Variants in PHC2 observed in about 807,000 individuals in gnomAD.
The protein encoded by PHC2 is polyhomeotic-like protein 2.
In PHC2, 29 loss-of-function variants were observed where a neutral mutation model predicts 87.4. That is an observed-to-expected ratio of 0.33 (90% CI 0.25 to 0.45). The LOEUF (loss-of-function observed/expected upper bound fraction) is 0.45, where lower values mean the gene tolerates loss of function less well. Ranked by LOEUF, PHC2 falls within the 20% of genes least tolerant of loss-of-function variation. PHC2 has a pLI of 1.00. For synonymous variants in PHC2, 438 were observed against 461.7 expected (o/e 0.95, Z 0.66); for missense variants, 857 against 1,136.7 (o/e 0.75, Z 3.54).
chr1:33,329,255 T>G lies in PHC2; in HGVS notation c.2149-109A>C. 4 of 1,062,636 alleles carry G rather than the reference T, an allele frequency of 3.8e-6. No individual in the cohort carries two copies. In the East Asian group the frequency reaches 1.0e-4, roughly 27 times the overall value. The allele number at this position is 1,062,636 out of a possible 1,614,324, so 65.8% of individuals were successfully genotyped here. A position where few individuals can be genotyped will look rare whatever the true frequency, so the allele number is the denominator to read the frequency against. On this transcript the variant is annotated intron_variant, in intron 13 of 14. Transcript: ENST00000683057. ...TCTACTTGGCCTACTACTACACATC[T>G]GAGTTCCCAGATCTAACAGCATCTT... is the stretch of plus-strand genomic sequence containing the variant.
intron 1 of PHC2, among the ~76,000 whole-genome samples, chr1:33,419,713 C>T (rs992878118): frequency 6.6e-6 from 1 of 152,084 alleles, no homozygotes; most frequent in African/African-American, 2.4e-5. Context: ...GGGTTCATGC[C>T]ATTCTCCTGC....
chr1:33,420,213 C>T (rs888236359), intron 1 of PHC2, among the ~76,000 whole-genome samples: 4 of 152,190 alleles, frequency 2.6e-5, no homozygotes, highest in East Asian at 1.9e-4. Flanking sequence ...ACAATCCATT[C>T]GCCTAGAGAT....
At chr1:33,335,659 T>C (rs540721175) in intron 9 of PHC2, among the ~76,000 whole-genome samples, 3 of 152,330 alleles carry the variant, frequency 2.0e-5, no homozygotes, top group South Asian at 2.1e-4. Flanking sequence ...CTCAGCACTT[T>C]GGAAGACCGA....
chr1:33,371,167 AG>A (rs1438070560), intron 3 of PHC2, 73 bp from the exon 4 acceptor site: 5 of 1,269,386 alleles, frequency 3.9e-6, no homozygotes, highest in Non-Finnish European at 4.6e-6. Flanking sequence ...CATCATCCAC[AG>A]GAGGTGCTGC....
intron 9 of PHC2, chr1:33,346,543 TTAATA>T (rs1646848276): frequency 2.0e-6 from 2 of 985,130 alleles, no homozygotes; most frequent in African/African-American, 3.5e-5. Context: ...TGGGAGAAGT[TTAATA>T]TAAATTTAGA....
chr1:33,402,673 C>T (rs4652874), intron 1 of PHC2, among the ~76,000 whole-genome samples: 109,034 of 152,086 alleles, frequency 0.72, 39,866 homozygotes, highest in African/African-American at 0.86. Context: ...AAAGATAATG[C>T]TGAACAAAAG....
Position 33,372,381 on chromosome 1 carries a change from C to G in PHC2, c.241G>C (p.Ala81Pro). The G allele has an allele frequency of 6.2e-7, 1 of 1,606,146 alleles. No individual in the cohort carries two copies. Among genetic ancestry groups the G allele is most frequent in the South Asian group, 1.1e-5 (1 of 90,188 alleles). ...AAQYLQQMYA[A>P]QQQHLMLQTA... ...TGCAGCATGAGGTGCTGCTGCTGGG[C>G]GGCGTACATCTGCTGCAGGTACTGA... is the stretch of plus-strand genomic sequence containing the variant. Residue 81 changes from alanine to proline, a missense_variant, in exon 3 of 15, where the codon GCC becomes CCC. Around this residue, in one of 3 missense-constraint regions of PHC2, gnomAD observed 832 missense variants for 1,081.8 expected, o/e 0.77. Transcript: ENST00000683057.
intron 9 of PHC2, among the ~76,000 whole-genome samples, chr1:33,343,579 T>G (rs1646788985): frequency 6.6e-6 from 1 of 152,076 alleles, no homozygotes; most frequent in African/African-American, 2.4e-5. Context: ...CTTATATCTG[T>G]CTTACATATA....
At position 33,349,395 on chromosome 1, in the gene PHC2, C is replaced by T. The variant is rs1347315342; in HGVS notation, c.1558+5006G>A. 7.1e-6 allele frequency: 7 copies of T among 985,216 alleles called. No individual in the cohort carries two copies. The African/African-American group carries it at 1.2e-4, about 17-fold the overall frequency. 61.0% of individuals were successfully genotyped at this position (985,216 alleles called of 1,614,324 possible). ...ACACGGCTTCCAGGGGCGACGGGCG[C>T]GCAGGGTCCCCAGGCGAGCGAGGCT... On this transcript the variant is annotated intron_variant, in intron 9 of 14. Coordinates refer to ENST00000683057, the MANE Select transcript of PHC2 (RefSeq NM_001385109.1). The surrounding 1 kb of genome is among the most constrained non-coding windows in gnomAD (Gnocchi z 4.2).
intron 1 of PHC2, among the ~76,000 whole-genome samples, chr1:33,402,416 C>T (rs557998276): frequency 3.9e-5 from 6 of 152,190 alleles, no homozygotes; most frequent in South Asian, 4.1e-4. Context: ...TATGATATGG[C>T]CTAGCAATTC....
At position 33,370,172 on chromosome 1, in the gene PHC2, G is replaced by A. The variant is rs922709104; in HGVS notation, c.576+249C>T. ...AAGGGGACACTTCTGTTTCACTCTA[G>A]GAGGAGAAGGAAAGGTGGCATCGCA... On this transcript the variant is annotated intron_variant, in intron 5 of 14. Transcript: ENST00000683057. Among the ~76,000 whole-genome samples, 3 of 152,172 alleles carry A rather than the reference G, an allele frequency of 2.0e-5. No individual in the cohort carries two copies. In the East Asian group the frequency reaches 5.8e-4, roughly 29 times the overall value.
Position 33,372,437 on chromosome 1 carries a change from T to G in PHC2, c.185A>C (p.Gln62Pro). 6.4e-7 allele frequency: 1 copy of G among 1,561,844 alleles called. No individual in the cohort carries two copies. Residue 62 changes from glutamine (Q) to proline (P), a missense_variant, in exon 3 of 15, where the codon CAG becomes CCG. By Grantham distance (76) the Gln-to-Pro change is moderately conservative. Coordinates refer to ENST00000683057, the MANE Select transcript of PHC2 (RefSeq NM_001385109.1). ...PDRQTVQVIQ[Q>P]ALHRQPSTAA... ...CGTGCTGGGCTGTCTGTGCAGGGCC[T>G]GCTGGATCACCTGAGAAGGGAGGGA...
Position 33,323,698 on chromosome 1 carries a change from G to A in PHC2, c.*1167C>T, listed in dbSNP as rs1397309962. 3 of 152,654 alleles carry A rather than the reference G, an allele frequency of 2.0e-5. No individual in the cohort carries two copies. The highest frequency in any genetic ancestry group is 2.9e-5 in the Non-Finnish European group (2 of 68,048). 9.5% of individuals were successfully genotyped at this position (152,654 alleles called of 1,614,324 possible). The stretch of plus-strand genomic sequence containing the variant: ...GTCCTTCATTTCCAACCCTGCCTGG[G>A]GGTGTGGGTGGGGAATAGAATAAGC... On this transcript the variant is annotated 3_prime_UTR_variant, in exon 15 of 15. Coordinates refer to ENST00000683057, the MANE Select transcript of PHC2 (RefSeq NM_001385109.1).
At chr1:33,353,648 C>G (rs550963606) in intron 9 of PHC2, among the ~76,000 whole-genome samples, 2 of 152,296 alleles carry the variant, frequency 1.3e-5, no homozygotes, top group Non-Finnish European at 2.9e-5. Context: ...CCGCCCCTAC[C>G]CCCTCAGCAA....
intron 9 of PHC2, chr1:33,335,401 T>TC (rs1265158059): frequency 1.7e-5 from 16 of 938,464 alleles, no homozygotes; most frequent in Non-Finnish European, 1.9e-5. Context: ...TTGCAACAAG[T>TC]CCATTAATAT....
chr1:33,374,239 A>G (rs899850580), intron 2 of PHC2, among the ~76,000 whole-genome samples: 2 of 152,076 alleles, frequency 1.3e-5, no homozygotes, highest in African/African-American at 4.8e-5. Context: ...GGAGCCCAGG[A>G]TGGTTCTGCA....
chr1:33,427,192 T>G (rs1216391080), intron 1 of PHC2, among the ~76,000 whole-genome samples: 2 of 152,138 alleles, frequency 1.3e-5, no homozygotes, highest in African/African-American at 4.8e-5. Flanking sequence ...CTGGGAAGAT[T>G]AAATGGGATA....
chr1:33,393,171 G>A (rs1381946876), intron 1 of PHC2, among the ~76,000 whole-genome samples: 1 of 152,146 alleles, frequency 6.6e-6, no homozygotes. Context: ...AGTTATCACT[G>A]ATAACTGGCG....
rs112092335 is a variant in PHC2 at position 33,360,876 on chromosome 1, G to A, written c.977-5623C>T. Among the ~76,000 whole-genome samples the A allele has an allele frequency of 3.3e-5, 5 of 152,308 alleles. 1 individual carries two copies. Among genetic ancestry groups the A allele is most frequent in the African/African-American group, 1.2e-4 (5 of 41,570 alleles). ...CATGGTGCCTTGCATATTACAAGAC[G>A]CTGATGGCCAAGTGAATAACACAAG... On this transcript the variant is annotated intron_variant, in intron 7 of 14. Transcript: ENST00000683057.
Sources: allele counts gnomAD v4.1 joint callset (sites outside exome capture counted in the v4.1 genomes callset), GRCh38; gene constraint gnomAD v4.1.1; regional missense constraint gnomAD v4.1.1; non-coding constraint Gnocchi (gnomAD v3.1); transcripts MANE v1.5; gene names NCBI Gene and HGNC (gene_info 2026-07-23, HGNC 2026-07-21).